The following GPR141 variants were observed in gnomAD, a reference collection of about 807,000 sequenced individuals.
GPR141 encodes the protein probable G protein-coupled receptor 141.
Under a neutral mutation model 6.8 loss-of-function variants are expected in GPR141, and 6 were observed. That is an observed-to-expected ratio of 0.88 (90% CI 0.48 to 1.74). GPR141 has a LOEUF of 1.74. Among genes scored for constraint, GPR141 ranks in the 40% most tolerant of loss-of-function variants. The pLI is 0.01. For missense variants in GPR141, 372 were observed against 372.9 expected (o/e 1.00, Z 0.02); for synonymous variants, 140 against 142.3 (o/e 0.98, Z 0.11).
At chr7:37,722,426 TAA>T (rs11323927) in intron 2 of GPR141, among the ~76,000 whole-genome samples, 244 of 144,252 alleles carry the variant, frequency 1.7e-3, no homozygotes, top group Admixed American at 2.3e-3. Context: ...TTCCCTCTCT[TAA>T]AAAAAAAAAA....
At chr7:37,725,105 T>C (rs1248154405) in intron 2 of GPR141, among the ~76,000 whole-genome samples, 1 of 152,222 alleles carries the variant, frequency 6.6e-6, no homozygotes, top group Non-Finnish European at 1.5e-5. Flanking sequence ...TGATTCCTGG[T>C]CCAAGGGTTC....
chr7:37,703,282 G>A (rs1810373392), intron 2 of GPR141, among the ~76,000 whole-genome samples: 1 of 151,854 alleles, frequency 6.6e-6, no homozygotes, highest in South Asian at 2.1e-4. Flanking sequence ...TCTCTAATTG[G>A]CTGCCTTTAA....
At chr7:37,732,714 C>T (rs908644979) in intron 2 of GPR141, among the ~76,000 whole-genome samples, 2 of 152,098 alleles carry the variant, frequency 1.3e-5, no homozygotes, top group African/African-American at 2.4e-5. Flanking sequence ...ATAAACAGCA[C>T]CACCAAGGAG....
chr7:37,697,312 T>C (rs993170844), intron 2 of GPR141, among the ~76,000 whole-genome samples: 2 of 152,228 alleles, frequency 1.3e-5, no homozygotes, highest in Non-Finnish European at 2.9e-5. Flanking sequence ...ATAATCTTTG[T>C]TAGCATAAAT....
At chr7:37,708,142 T>G (rs979615316) in intron 2 of GPR141, among the ~76,000 whole-genome samples, 15 of 152,040 alleles carry the variant, frequency 9.9e-5, no homozygotes, top group Admixed American at 7.9e-4. Context: ...GCCTGACAGA[T>G]GTAATGATAA....
intron 2 of GPR141, among the ~76,000 whole-genome samples, chr7:37,692,485 G>A (rs866185429): frequency 2.0e-5 from 3 of 152,160 alleles, no homozygotes; most frequent in Non-Finnish European, 2.9e-5. Context: ...ATAGTAGAAT[G>A]ATTTATAATC....
intron 2 of GPR141, among the ~76,000 whole-genome samples, chr7:37,689,720 T>A (rs10258408): frequency 0.34 from 51,470 of 151,588 alleles, 8,979 homozygotes; most frequent in Middle Eastern, 0.39. Context: ...CCTTTTTTTT[T>A]AAAATTTCTG....
chr7:37,691,677 C>T (rs987902287), intron 2 of GPR141, among the ~76,000 whole-genome samples: 2 of 152,130 alleles, frequency 1.3e-5, no homozygotes, highest in African/African-American at 4.8e-5. Flanking sequence ...AGATGTAGGA[C>T]TCCCTTGAGC....
chr7:37,700,612 A>G (rs1810237901), intron 2 of GPR141, among the ~76,000 whole-genome samples: 1 of 152,222 alleles, frequency 6.6e-6, no homozygotes, highest in Non-Finnish European at 1.5e-5. Context: ...ACAAACATAT[A>G]TAGGTAACTG....
intron 2 of GPR141, among the ~76,000 whole-genome samples, chr7:37,734,636 G>T (rs1030097179): frequency 6.6e-6 from 1 of 152,184 alleles, no homozygotes; most frequent in African/African-American, 2.4e-5. Flanking sequence ...TTCAGAAGAG[G>T]AGAAAAGAGA....
chr7:37,708,330 A>AC (rs1810633247), intron 2 of GPR141, among the ~76,000 whole-genome samples: 1 of 150,730 alleles, frequency 6.6e-6, no homozygotes, highest in Non-Finnish European at 1.5e-5. Flanking sequence ...AAAAAAAAAA[A>AC]AAAAACGCAA....
chr7:37,738,043 A>G (rs946893404), intron 2 of GPR141, among the ~76,000 whole-genome samples: 16 of 152,198 alleles, frequency 1.1e-4, no homozygotes, highest in South Asian at 8.3e-4. Context: ...GAGATTCACA[A>G]TGCTTCTCCA....
chr7:37,700,252 T>C (rs1810219795), intron 2 of GPR141, among the ~76,000 whole-genome samples: 1 of 152,242 alleles, frequency 6.6e-6, no homozygotes, highest in East Asian at 1.9e-4. Context: ...GAGTGTATTT[T>C]GTTACATTTT....
intron 2 of GPR141, among the ~76,000 whole-genome samples, chr7:37,701,627 T>C (rs1216623627): frequency 6.6e-6 from 1 of 152,196 alleles, no homozygotes; most frequent in African/African-American, 2.4e-5. Context: ...ATTTAACTGG[T>C]TATCCTGCAT....
chr7:37,700,827 T>G (rs1043993166), intron 2 of GPR141, among the ~76,000 whole-genome samples: 7 of 152,190 alleles, frequency 4.6e-5, no homozygotes, highest in Non-Finnish European at 1.0e-4. Context: ...AGATGAAATT[T>G]GAAGCCAGAT....
At chr7:37,696,306 T>C (rs1278670009) in intron 2 of GPR141, among the ~76,000 whole-genome samples, 1 of 152,220 alleles carries the variant, frequency 6.6e-6, no homozygotes, top group Non-Finnish European at 1.5e-5. Context: ...GTGAGGTATG[T>C]TAAATACACT....
rs200611102 is a variant in GPR141, at chr7:37,741,291, A to G, written c.898A>G (p.Asn300Asp). ...WFKQKIIGLWNCVLCR is the reference protein window; with the variant it reads ...WFKQKIIGLWDCVLCR Reference sequence around the variant, plus strand: ...TAAGCAAAAGATAATTGGCTTATGGAATTGTGTTTTGTGCCGTTAGCCACA... The same window carrying G: ...TAAGCAAAAGATAATTGGCTTATGGGATTGTGTTTTGTGCCGTTAGCCACA... Residue 300 changes from asparagine (N) to aspartate (D), a missense_variant, in exon 3 of 3, where the codon AAT becomes GAT. By Grantham distance (23) the Asn-to-Asp change is conservative. Coordinates refer to ENST00000334425, the MANE Select transcript of GPR141 (RefSeq NM_001381946.1). 1 of 1,591,374 alleles carries G rather than the reference A, an allele frequency of 6.3e-7. No homozygotes were observed.
chr7:37,727,354 T>G (rs1811686390), intron 2 of GPR141, among the ~76,000 whole-genome samples: 1 of 152,208 alleles, frequency 6.6e-6, no homozygotes, highest in African/African-American at 2.4e-5. Flanking sequence ...ATCTTCCATC[T>G]CTTGACCTTT....
At position 37,740,654 on chromosome 7, in the gene GPR141, C is replaced by A. The variant is rs984533010; in HGVS notation, c.261C>A (p.Phe87Leu). 8 of 1,614,010 alleles carry A rather than the reference C, an allele frequency of 5.0e-6. No homozygotes were observed. The Admixed American group carries it at 1.2e-4, about 24-fold the overall frequency. Residue 87 changes from phenylalanine (F) to leucine (L), a missense_variant, in exon 3 of 3, where the codon TTC becomes TTA. By Grantham distance (22) the Phe-to-Leu change is conservative (BLOSUM62 0). Transcript: ENST00000334425. ...IKKTWMFGLP[F>L]CKFVSAMLHI... ...AGACTTGGATGTTTGGGCTGCCCTTCTGCAAATTTGTGAGTGCCATGCTGC... is the reference window on the plus strand; with the variant it reads ...AGACTTGGATGTTTGGGCTGCCCTTATGCAAATTTGTGAGTGCCATGCTGC...
Sources: gnomAD v4.1 joint callset for allele counts (sites outside exome capture counted in the v4.1 genomes callset) on GRCh38, gnomAD v4.1.1 for gene constraint, MANE v1.5 for transcripts, NCBI Gene and HGNC (gene_info 2026-07-23, HGNC 2026-07-21) for gene names.